ANKFN1: variants seen among roughly 807,000 people sequenced by gnomAD.
ANKFN1 encodes ankyrin repeat and fibronectin type III domain containing 1.
In ANKFN1, 74 loss-of-function variants were observed where a neutral mutation model predicts 108.7. The observed-to-expected ratio is 0.68, with a 90% CI of 0.56 to 0.83. The LOEUF is 0.83. ANKFN1 is among the 40% of genes least tolerant of loss of function. ANKFN1 has a pLI of 0.00. For synonymous variants in ANKFN1, 547 were observed against 516.2 expected (o/e 1.06, Z -0.81); for missense variants, 1,505 against 1,382.3 (o/e 1.09, Z -1.41).
intron 16 of ANKFN1, among the ~76,000 whole-genome samples, chr17:56,478,104 G>A (rs1454851500): frequency 3.3e-5 from 5 of 152,178 alleles, no homozygotes; most frequent in African/African-American, 1.2e-4. Context: ...TGGGATTACA[G>A]GCATGAGCCA....
intron 6 of ANKFN1, among the ~76,000 whole-genome samples, chr17:56,362,042 G>A (rs1384160103): frequency 6.6e-6 from 1 of 152,142 alleles, no homozygotes; most frequent in Non-Finnish European, 1.5e-5. Context: ...GGGTGTGAAT[G>A]CAAGCAGACA....
At chr17:56,353,181 A>G (rs2046289060) in intron 5 of ANKFN1, among the ~76,000 whole-genome samples, 1 of 152,096 alleles carries the variant, frequency 6.6e-6, no homozygotes, top group South Asian at 2.1e-4. Flanking sequence ...GGTTTAATCT[A>G]ATGTTTATCA....
chr17:56,091,982 T>G lies in ANKFN1; in HGVS notation c.288+45657T>G, dbSNP rs1296321956. The stretch of plus-strand genomic sequence containing the variant: ...ACTTATGGAAACAAACTTAATTGGA[T>G]GGCATTTCCAAATTGCTGTTACCTC... On this transcript the variant is annotated intron_variant, in intron 4 of 12. Coordinates refer to the ANKFN1 transcript ENST00000635860. 2.6e-5 allele frequency among the ~76,000 whole-genome samples: 4 copies of G among 151,450 alleles called. 1 individual carries two copies. The highest frequency in any genetic ancestry group is 5.9e-5 in the Non-Finnish European group (4 of 67,788).
At chr17:56,165,559 T>A (rs1168865711) in intron 1 of ANKFN1, among the ~76,000 whole-genome samples, 1 of 152,178 alleles carries the variant, frequency 6.6e-6, no homozygotes, top group African/African-American at 2.4e-5. Context: ...ACACCAATAG[T>A]CAGCACCACA....
rs545273356 is a variant in ANKFN1, at chr17:56,278,899, C to A, written c.54-47322C>A. Among the ~76,000 whole-genome samples, 6 of 152,172 alleles carry A rather than the reference C, an allele frequency of 3.9e-5. No homozygotes were observed. In the East Asian group the frequency reaches 1.2e-3, roughly 29 times the overall value. ...TACGATATTTATTTTGAAAGATGTA[C>A]AACATGAAGCTTAAAGGTGAAAGAT... On this transcript the variant is annotated intron_variant, in intron 3 of 20. Transcript: ENST00000682825.
At chr17:56,413,861 A>G (rs2048164541) in intron 8 of ANKFN1, among the ~76,000 whole-genome samples, 1 of 152,124 alleles carries the variant, frequency 6.6e-6, no homozygotes, top group Non-Finnish European at 1.5e-5. Context: ...CTGGGATTAC[A>G]GAGATGGGGT....
chr17:56,368,291 T>TTTTTTTTTTTTG (rs2046716895), intron 6 of ANKFN1: 1 of 474,564 alleles, frequency 2.1e-6, no homozygotes, highest in Non-Finnish European at 2.9e-6. Context: ...TTTTTTTTTT[T>TTTTTTTTTTTTG]TTTTTTGAGA....
intron 19 of ANKFN1, among the ~76,000 whole-genome samples, chr17:56,493,898 C>A (rs1036414215): frequency 6.6e-5 from 10 of 152,114 alleles, no homozygotes; most frequent in African/African-American, 2.4e-4. Flanking sequence ...GCAAAGAAAT[C>A]TCTCTCAGTC....
chr17:56,377,881 C>T (rs2046986247), intron 8 of ANKFN1, among the ~76,000 whole-genome samples: 1 of 151,948 alleles, frequency 6.6e-6, no homozygotes, highest in Admixed American at 6.6e-5. Context: ...CTCGAAGTGG[C>T]CACACCTTGG....
At chr17:56,445,288 G>T (rs1354891400) in intron 10 of ANKFN1, among the ~76,000 whole-genome samples, 2 of 152,172 alleles carry the variant, frequency 1.3e-5, no homozygotes, top group Non-Finnish European at 2.9e-5. Flanking sequence ...GTTCTGATCT[G>T]CATATAGATG....
chr17:56,292,007 A>G lies in ANKFN1; in HGVS notation c.54-34214A>G, dbSNP rs1395519039. Among the ~76,000 whole-genome samples, 3 of 152,134 alleles carry G rather than the reference A, an allele frequency of 2.0e-5. No homozygotes were observed. In the East Asian group the frequency reaches 5.8e-4, roughly 29 times the overall value. ...GCTGCACCTTTCGTATCTCCCAAAT[A>G]CTGCTGCCAGTATTTTGTTCTTCAT... On this transcript the variant is annotated intron_variant, in intron 3 of 20. Transcript: ENST00000682825.
intron 10 of ANKFN1, among the ~76,000 whole-genome samples, chr17:56,443,949 G>T (rs17820342): frequency 0.013 from 2,008 of 152,248 alleles, 46 homozygotes; most frequent in East Asian, 0.092. Flanking sequence ...AACACAATTT[G>T]CTATGTTATA....
chr17:56,055,840 C>T (rs1049291251), intron 4 of ANKFN1, among the ~76,000 whole-genome samples: 1 of 151,346 alleles, frequency 6.6e-6, no homozygotes, highest in Non-Finnish European at 1.5e-5. Flanking sequence ...ATATTCCCAC[C>T]AGCAATGTAT....
intron 8 of ANKFN1, among the ~76,000 whole-genome samples, chr17:56,437,973 G>GGGGGGTGTGTGTGTGTGTGT (rs1555653063): frequency 7.0e-6 from 1 of 142,176 alleles, no homozygotes; most frequent in African/African-American, 2.7e-5. Flanking sequence ...ATCTACTGTA[G>GGGGGGTGTGTGTGTGTGTGT]GTGTGTGTGT....
intron 4 of ANKFN1, among the ~76,000 whole-genome samples, chr17:56,116,134 T>C (rs761470662): frequency 3.3e-5 from 5 of 152,152 alleles, no homozygotes; most frequent in Non-Finnish European, 5.9e-5. Context: ...CATCCTCTTT[T>C]TTCAGCTTTC....
intron 4 of ANKFN1, among the ~76,000 whole-genome samples, chr17:56,143,626 T>C (rs1908058848): frequency 6.6e-6 from 1 of 152,232 alleles, no homozygotes; most frequent in South Asian, 2.1e-4. Flanking sequence ...TGACCTGATT[T>C]GGAAATAAGA....
chr17:56,374,756 A>G, intron 8 of ANKFN1, 42 bp downstream of exon 8: 1 of 1,466,854 alleles, frequency 6.8e-7, no homozygotes. Context: ...CTTCTTAAAA[A>G]AGCATCTGCT....
intron 3 of ANKFN1, among the ~76,000 whole-genome samples, chr17:56,262,829 C>A (rs2043551260): frequency 6.7e-6 from 1 of 150,354 alleles, no homozygotes; most frequent in African/African-American, 2.5e-5. Flanking sequence ...AGTAACACAG[C>A]AAGATAGTTA....
intron 8 of ANKFN1, among the ~76,000 whole-genome samples, chr17:56,436,030 G>C (rs2048919817): frequency 6.6e-6 from 1 of 151,990 alleles, no homozygotes; most frequent in Non-Finnish European, 1.5e-5. Flanking sequence ...TAGACCTCAG[G>C]GTGGCAGGGC....
Sources: gnomAD v4.1 joint callset for allele counts (sites outside exome capture counted in the v4.1 genomes callset) on GRCh38, gnomAD v4.1.1 for gene constraint, MANE v1.5 for transcripts, NCBI Gene and HGNC (gene_info 2026-07-23, HGNC 2026-07-21) for gene names.